The following IQCH variants were observed in gnomAD, a reference collection of about 807,000 sequenced individuals.
The protein encoded by IQCH is IQ domain-containing protein H.
A neutral mutation model predicts 117.0 loss-of-function variants in IQCH; 98 were observed. The ratio of observed to expected loss-of-function variants is 0.84; its 90% CI spans 0.71 to 0.99. The LOEUF (loss-of-function observed/expected upper bound fraction) is 0.99, where lower values mean the gene tolerates loss of function less well. IQCH is among the 50% of genes least tolerant of loss of function. The pLI is 0.00. For missense variants in IQCH, 1,102 were observed against 1,243.8 expected (o/e 0.89, Z 1.72); for synonymous variants, 412 against 448.2 (o/e 0.92, Z 1.02).
At chr15:67,274,047 C>G (rs768639753) in intron 3 of IQCH, among the ~76,000 whole-genome samples, 9 of 152,124 alleles carry the variant, frequency 5.9e-5, no homozygotes, top group Non-Finnish European at 1.0e-4. Context: ...TTAATTAGAG[C>G]TCCTTTATGT....
In IQCH at chr15:67,500,922, TTTTA is replaced by T. The variant is rs529327767; in HGVS notation, c.*183_*186del. The T allele has an allele frequency of 1.1e-4, 45 of 391,666 alleles. No individual in the cohort carries two copies. In the South Asian group the frequency reaches 3.7e-3, roughly 32 times the overall value. The allele number at this position is 391,666 out of a possible 1,614,324, so 24.3% of individuals were successfully genotyped here. On this transcript the variant is annotated 3_prime_UTR_variant, in exon 21 of 21. Transcript: ENST00000335894. This position sits in a 1 kb window ranked among gnomAD's most constrained non-coding sequence, Gnocchi z 4.4. ...AAACATTGTTTATTAAGTGATCTTA[TTTTA>T]TTTATTAAACCAAAACTTATTTGTG... is the stretch of plus-strand genomic sequence containing the variant.
Position 67,330,480 on chromosome 15 carries a change from T to C in IQCH, c.388-6495T>C, listed in dbSNP as rs118110169. ...ATTATAGATGCCTCCCCAGGGAATT[T>C]TCTTCTGTCTCCAAGAATGCTGGTA... is the stretch of plus-strand genomic sequence containing the variant. On this transcript the variant is annotated intron_variant, in intron 4 of 20. Transcript: ENST00000335894. 9.7e-3 allele frequency among the ~76,000 whole-genome samples: 1,471 copies of C among 152,274 alleles called. 9 individuals carry two copies. Among genetic ancestry groups the C allele is most frequent in the Non-Finnish European group, 0.016 (1,122 of 68,016 alleles).
chr15:67,257,235 G>T lies in IQCH; in HGVS notation c.51+2288G>T, dbSNP rs1038938946. On this transcript the variant is annotated intron_variant, in intron 1 of 20. Coordinates refer to ENST00000335894, the MANE Select transcript of IQCH (RefSeq NM_001031715.3). ...TTAGGTTCACTTCTGACTTTAAATT[G>T]TCCCAATTTCCCCAGGCTACATCAT... Among the ~76,000 whole-genome samples the T allele has an allele frequency of 1.2e-4, 18 of 152,146 alleles. 1 individual carries two copies. Among genetic ancestry groups the T allele is most frequent in the Admixed American group, 1.2e-3 (18 of 15,288 alleles).
At chr15:67,270,752 CA>C (rs1965863521) in intron 3 of IQCH, among the ~76,000 whole-genome samples, 1 of 152,176 alleles carries the variant, frequency 6.6e-6, no homozygotes, top group Non-Finnish European at 1.5e-5. Flanking sequence ...GTTTCTTTTA[CA>C]GTCTGCAGAA....
At chr15:67,469,919 CATCAGCTGAGA>C (rs1383912779) in intron 17 of IQCH, among the ~76,000 whole-genome samples, 5 of 152,212 alleles carry the variant, frequency 3.3e-5, no homozygotes, top group Admixed American at 2.0e-4. Context: ...ACCTGCCTTG[CATCAGCTGAGA>C]ATCAGTGATC....
intron 3 of IQCH, among the ~76,000 whole-genome samples, chr15:67,265,278 G>A (rs1965623746): frequency 2.0e-5 from 3 of 152,220 alleles, no homozygotes; most frequent in Non-Finnish European, 4.4e-5. Flanking sequence ...GTTCTCTTTT[G>A]CCAAGGAGTG....
Position 67,501,785 on chromosome 15 carries a change from A to G in IQCH, c.*1039A>G, listed in dbSNP as rs1386468184. 6.6e-6 allele frequency: 1 copy of G among 152,352 alleles called. No homozygotes were observed. The highest frequency in any genetic ancestry group is 1.5e-5 in the Non-Finnish European group (1 of 68,038). The allele number at this position is 152,352 out of a possible 1,614,324, so 9.4% of individuals were successfully genotyped here. A position where few individuals can be genotyped will look rare whatever the true frequency, so the allele number is the denominator to read the frequency against. ...ACAGGCTAAGAGTTTCTGTAATAAA[A>G]TTAACATTTGTGTGTGTCAGCTTTT... On this transcript the variant is annotated 3_prime_UTR_variant, in exon 21 of 21. Transcript: ENST00000335894. This position sits in a 1 kb window ranked among gnomAD's most constrained non-coding sequence, Gnocchi z 5.2.
chr15:67,443,304 T>G lies in IQCH; in HGVS notation c.2505+21727T>G, dbSNP rs1298972923. 6.6e-6 allele frequency among the ~76,000 whole-genome samples: 1 copy of G among 152,200 alleles called. No homozygotes were observed. On this transcript the variant is annotated intron_variant, in intron 16 of 20. Transcript: ENST00000335894. The surrounding 1 kb of genome is among the most constrained non-coding windows in gnomAD (Gnocchi z 5.0). ...ACTGCGCCCAGCCTGGAGACTGTTA[T>G]TCTAAGTGAAGTAACTCAGGAATGG...
intron 20 of IQCH, among the ~76,000 whole-genome samples, chr15:67,498,628 A>AATT (rs60915720): frequency 6.7e-5 from 10 of 148,742 alleles, no homozygotes; most frequent in Admixed American, 2.0e-4. Context: ...AAAAAAAAAA[A>AATT]TAAGTTAAAA....
chr15:67,322,934 C>T (rs1596179247), intron 4 of IQCH, among the ~76,000 whole-genome samples: 1 of 152,060 alleles, frequency 6.6e-6, no homozygotes, highest in Admixed American at 6.5e-5. Context: ...CAAAGGTGGG[C>T]ATGACAATGT....
chr15:67,292,855 C>T (rs1005798389), intron 4 of IQCH, among the ~76,000 whole-genome samples: 1 of 152,136 alleles, frequency 6.6e-6, no homozygotes, highest in African/African-American at 2.4e-5. Context: ...CAGTTATTCC[C>T]CAAATGACTT....
intron 20 of IQCH, among the ~76,000 whole-genome samples, chr15:67,495,118 G>A (rs908404801): frequency 2.0e-5 from 3 of 152,184 alleles, no homozygotes; most frequent in Non-Finnish European, 4.4e-5. Flanking sequence ...GAAACCACAT[G>A]TAGTTTTTCT....
At chr15:67,449,904 A>G (rs1265147666) in intron 16 of IQCH, among the ~76,000 whole-genome samples, 18 of 152,020 alleles carry the variant, frequency 1.2e-4, no homozygotes, top group Non-Finnish European at 1.2e-4. Context: ...ATTTCATTGA[A>G]CAGTGGTTTG....
intron 4 of IQCH, chr15:67,281,971 ACTCT>A: frequency 2.8e-6 from 1 of 350,888 alleles, no homozygotes; most frequent in Admixed American, 3.7e-5. Flanking sequence ...TCTGTCAGCC[ACTCT>A]CTGAGGAGTG....
chr15:67,293,440 C>G, intron 4 of IQCH, among the ~76,000 whole-genome samples: 1 of 152,106 alleles, frequency 6.6e-6, no homozygotes, highest in East Asian at 1.9e-4. Context: ...TGCATATAAC[C>G]TATGTACATC....
In IQCH at chr15:67,404,638, CTAGT is replaced by C. The variant is rs1358425641; in HGVS notation, c.2097+4336_2097+4339del. On this transcript the variant is annotated intron_variant, in intron 14 of 20. Transcript: ENST00000335894. This position sits in a 1 kb window ranked among gnomAD's most constrained non-coding sequence, Gnocchi z 4.6. ...CATAGCTACAATAATAGTGTATATG[CTAGT>C]TAAACATCAGATCTTAAATATTTTC... is the stretch of plus-strand genomic sequence containing the variant. 15 of 152,104 alleles carry C rather than the reference CTAGT, an allele frequency of 9.9e-5. No individual in the cohort carries two copies. Among genetic ancestry groups the C allele is most frequent in the African/African-American group, 3.4e-4 (14 of 41,410 alleles). 9.4% of individuals were successfully genotyped at this position (152,104 alleles called of 1,614,324 possible).
chr15:67,417,087 T>A lies in IQCH; in HGVS notation c.2218+36T>A, dbSNP rs1311305174. 1 of 1,559,688 alleles carries A rather than the reference T, an allele frequency of 6.4e-7. No homozygotes were observed. The highest frequency in any genetic ancestry group is 1.4e-5 in the African/African-American group (1 of 72,598). On this transcript the variant is annotated intron_variant, in intron 15 of 20. Coordinates refer to ENST00000335894, the MANE Select transcript of IQCH (RefSeq NM_001031715.3). This position sits in a 1 kb window ranked among gnomAD's most constrained non-coding sequence, Gnocchi z 4.3. ...CTGTAAAGTTTCTATTGAGGATTAG[T>A]CTACACAACCTTGGATTCTAGTTTT...
intron 16 of IQCH, among the ~76,000 whole-genome samples, chr15:67,449,583 T>C (rs1271891228): frequency 3.3e-5 from 5 of 152,218 alleles, no homozygotes; most frequent in Admixed American, 3.3e-4. Flanking sequence ...CATTGGTCTA[T>C]ATCTCTGTTT....
In IQCH at chr15:67,481,735, C is replaced by T. The variant is rs1216286581; in HGVS notation, c.2799+5917C>T. Among the ~76,000 whole-genome samples, 1 of 152,184 alleles carries T rather than the reference C, an allele frequency of 6.6e-6. No individual in the cohort carries two copies. The highest frequency in any genetic ancestry group is 1.5e-5 in the Non-Finnish European group (1 of 68,030). On this transcript the variant is annotated intron_variant, in intron 18 of 20. Coordinates refer to ENST00000335894, the MANE Select transcript of IQCH (RefSeq NM_001031715.3). The surrounding 1 kb of genome is among the most constrained non-coding windows in gnomAD (Gnocchi z 4.1). ...GAAATATAGAAAATTTAAGAAGTAT[C>T]TAGAAAAGAACTCCATGTTGTAGCT...
Sources: gnomAD v4.1 joint callset for allele counts (sites outside exome capture counted in the v4.1 genomes callset) on GRCh38, gnomAD v4.1.1 for gene constraint, Gnocchi (gnomAD v3.1) non-coding constraint, MANE v1.5 for transcripts, NCBI Gene and HGNC (gene_info 2026-07-23, HGNC 2026-07-21) for gene names.